The following RFXANK variants were observed in gnomAD, a reference collection of about 807,000 sequenced individuals.
RFXANK encodes the protein DNA-binding protein RFXANK.
A neutral mutation model predicts 34.5 loss-of-function variants in RFXANK; 19 were observed. The ratio of observed to expected loss-of-function variants is 0.55; its 90% CI spans 0.38 to 0.81. The LOEUF (loss-of-function observed/expected upper bound fraction) is 0.81. Among genes scored for constraint, RFXANK ranks in the 30% least tolerant of loss-of-function variants. The pLI, the probability that RFXANK is intolerant of heterozygous loss-of-function variation, is 0.00. For missense variants in RFXANK, 295 were observed against 343.5 expected, an observed-to-expected ratio of 0.86 and a Z score of 1.12; for synonymous variants, 154 against 149.8, an observed-to-expected ratio of 1.03 and a Z score of -0.20.
chr19:19,198,123 T>A lies in RFXANK; in HGVS notation c.455T>A (p.Ile152Asn), dbSNP rs2060634265. ...FLLEWGADPHILAKERESALS... is the reference protein window; with the variant it reads ...FLLEWGADPHNLAKERESALS... ...TCCCTGCAGGGTGCCGACCCCCACA[T>A]CCTGGCAAAAGAGCGAGAGAGCGCC... is the stretch of plus-strand genomic sequence containing the variant. Residue 152 changes from isoleucine to asparagine, a missense_variant, in exon 7 of 10, where the codon ATC becomes AAC. Coordinates refer to ENST00000303088, the MANE Select transcript of RFXANK (RefSeq NM_003721.4). 3 of 1,612,696 alleles carry A rather than the reference T, an allele frequency of 1.9e-6. No homozygotes were observed. The highest frequency in any genetic ancestry group is 1.7e-5 in the Admixed American group (1 of 59,920).
At chr19:19,193,894 T>C (rs1470045390) in intron 2 of RFXANK, 45 bp from the exon 3 acceptor site, 6 of 1,602,532 alleles carry the variant, frequency 3.7e-6, no homozygotes, top group Non-Finnish European at 5.1e-6. Flanking sequence ...TTATTATAAC[T>C]GTTGATAATT....
chr19:19,201,285 C>G (rs1027074120), intron 9 of RFXANK: 3 of 616,428 alleles, frequency 4.9e-6, no homozygotes, highest in Non-Finnish European at 8.4e-6. Context: ...GCTCTGTTGC[C>G]CAAGCTGGCC....
chr19:19,198,803 C>G (rs1599785960), intron 8 of RFXANK, 80 bp downstream of exon 8: 1 of 1,395,338 alleles, frequency 7.2e-7, no homozygotes. Context: ...AGGGAGACGC[C>G]CAAGTGTTGC....
intron 7 of RFXANK, 100 bp from the exon 8 acceptor site, chr19:19,198,557 G>A: frequency 1.5e-6 from 2 of 1,373,900 alleles, no homozygotes; most frequent in Non-Finnish European, 2.0e-6. Context: ...CCAGTGATGA[G>A]CAGGAGGAAC....
In RFXANK at chr19:19,198,295, TCA is replaced by T. The variant is rs1599784581; in HGVS notation, c.564+66_564+67del. 9 of 1,606,096 alleles carry T rather than the reference TCA, an allele frequency of 5.6e-6. No homozygotes were observed. In the East Asian group the frequency reaches 1.8e-4, roughly 32 times the overall value. ...TGGCCTTCATTCCTGCCTCAAATGT[TCA>T]CAGAGTACTTGAAAGGTGCAGGCCT... is the stretch of plus-strand genomic sequence containing the variant. On this transcript the variant is annotated intron_variant, in intron 7 of 9. Coordinates refer to ENST00000303088, the MANE Select transcript of RFXANK (RefSeq NM_003721.4).
intron 8 of RFXANK, 148 bp downstream of exon 8, chr19:19,198,871 G>A: frequency 1.1e-6 from 1 of 884,660 alleles, no homozygotes; most frequent in Non-Finnish European, 1.8e-6. Flanking sequence ...ATGGATCAGA[G>A]GGGAGGAGGT....
intron 2 of RFXANK, 80 bp from the exon 3 acceptor site, chr19:19,193,859 G>T: frequency 6.7e-7 from 1 of 1,494,386 alleles, no homozygotes; most frequent in African/African-American, 1.4e-5. Flanking sequence ...ACAGTGCAAG[G>T]CTAGGTATGC....
At chr19:19,194,566 C>T (rs2060564235) in intron 3 of RFXANK, among the ~76,000 whole-genome samples, 1 of 151,840 alleles carries the variant, frequency 6.6e-6, no homozygotes, top group African/African-American at 2.4e-5. Context: ...GGGTCTCGCT[C>T]TGTTACTAAG....
intron 7 of RFXANK, 116 bp downstream of exon 7, chr19:19,198,348 A>G: frequency 1.4e-6 from 2 of 1,472,222 alleles, no homozygotes; most frequent in Non-Finnish European, 1.9e-6. Context: ...AACACGAGAC[A>G]GCCCCATTCC....
At position 19,192,993 on chromosome 19, in the gene RFXANK, T is replaced by C. The variant is rs1050483; in HGVS notation, c.-116T>C. The C allele has an allele frequency of 0.17, 26,612 of 152,234 alleles. 2,791 individuals are homozygous for C. Among genetic ancestry groups the C allele is most frequent in the East Asian group, 0.39 (2,021 of 5,146 alleles). The allele number at this position is 152,234 out of a possible 1,614,324, so 9.4% of individuals were successfully genotyped here. A position where few individuals can be genotyped will look rare whatever the true frequency, so the allele number is the denominator to read the frequency against. On this transcript the variant is annotated 5_prime_UTR_variant, in exon 2 of 10. Transcript: ENST00000303088. Reference sequence around the variant, plus strand: ...AGATCGCTGAGGGTCCGGTCTCCAGTTTGCCTCCTGCTATATCCATTGGAA... The same window carrying C: ...AGATCGCTGAGGGTCCGGTCTCCAGCTTGCCTCCTGCTATATCCATTGGAA...
rs1290434495 is a variant in RFXANK at position 19,192,380 on chromosome 19, G to A, written c.-324G>A. 30 of 577,044 alleles carry A rather than the reference G, an allele frequency of 5.2e-5. No individual in the cohort carries two copies. Among genetic ancestry groups the A allele is most frequent in the Non-Finnish European group, 9.3e-5 (30 of 322,930 alleles). The allele number at this position is 577,044 out of a possible 1,614,324, so 35.7% of individuals were successfully genotyped here. On this transcript the variant is annotated 5_prime_UTR_variant, in exon 1 of 10. Coordinates refer to ENST00000303088, the MANE Select transcript of RFXANK (RefSeq NM_003721.4). ...GAGCGACACCCAGGCAGGAGAGGGG[G>A]AAGAACTCTCTCCCTTTCTGAACCC...
intron 9 of RFXANK, among the ~76,000 whole-genome samples, chr19:19,200,170 T>C (rs1362701665): frequency 1.3e-5 from 2 of 149,420 alleles, no homozygotes; most frequent in Non-Finnish European, 3.0e-5. Flanking sequence ...AATTTTTTGT[T>C]GTTGCTTTTT....
Position 19,197,619 on chromosome 19 carries a change from T to G in RFXANK, c.436T>G (p.Trp146Gly), listed in dbSNP as rs1301129319. 2 of 1,613,086 alleles carry G rather than the reference T, an allele frequency of 1.2e-6. No individual in the cohort carries two copies. The highest frequency in any genetic ancestry group is 2.2e-5 in the South Asian group (2 of 91,036). Residue 146 changes from tryptophan (W) to glycine (G), a missense_variant and splice_region_variant, in exon 6 of 10, where the codon TGG (tryptophan) becomes GGG (glycine). Coordinates refer to ENST00000303088, the MANE Select transcript of RFXANK (RefSeq NM_003721.4). Reference sequence around the variant, plus strand: ...TGAGACCGTTCGCTTCCTGCTGGAGTGGGTGCGTCCCAGCCCAGCTGGGCA... The same window carrying G: ...TGAGACCGTTCGCTTCCTGCTGGAGGGGGTGCGTCCCAGCCCAGCTGGGCA... ...EIETVRFLLE[W>G]GADPHILAKE... is the part of the protein sequence containing the mutation.
At chr19:19,199,361 C>A in intron 9 of RFXANK, 127 bp downstream of exon 9, 1 of 924,242 alleles carries the variant, frequency 1.1e-6, no homozygotes, top group Non-Finnish European at 1.8e-6. Context: ...AGGTGTTGAG[C>A]ACTGCTGTGT....
chr19:19,196,966 G>A lies in RFXANK; in HGVS notation c.191G>A (p.Gly64Asp). 1.9e-6 allele frequency: 3 copies of A among 1,611,746 alleles called. No individual in the cohort carries two copies. The highest frequency in any genetic ancestry group is 2.2e-5 in the South Asian group (2 of 91,070). Reference protein sequence around the residue: ...PDASVSSPQAGSSLKHSTTLT... With the variant: ...PDASVSSPQADSSLKHSTTLT... ...ACGCCTGTTGTCTGTTTCCCAGCAG[G>A]CAGCTCCCTGAAGCACTCCACCACT... The change falls in exon 4 of 10, where the codon GGC (glycine) becomes GAC (aspartate). Residue 64 changes from glycine to aspartate, a missense_variant. Coordinates refer to ENST00000303088, the MANE Select transcript of RFXANK (RefSeq NM_003721.4).
chr19:19,197,800 G>C (rs1248422676), intron 6 of RFXANK, 179 bp downstream of exon 6: 1 of 670,678 alleles, frequency 1.5e-6, no homozygotes, highest in Non-Finnish European at 2.5e-6. Context: ...CTTGAGGTCA[G>C]GAGTTCAAGA....
chr19:19,193,395 C>T (rs2060527201), intron 2 of RFXANK, among the ~76,000 whole-genome samples: 2 of 150,532 alleles, frequency 1.3e-5, no homozygotes, highest in Non-Finnish European at 3.0e-5. Context: ...CCCAGAGCCC[C>T]GGCTTTTTTT....
At chr19:19,201,276 C>T (rs866796724) in intron 9 of RFXANK, 3 of 598,862 alleles carry the variant, frequency 5.0e-6, no homozygotes, top group Admixed American at 3.0e-5. Flanking sequence ...CAGCGTTTTG[C>T]TCTGTTGCCC....
intron 9 of RFXANK, among the ~76,000 whole-genome samples, chr19:19,199,904 G>A (rs2146505520): frequency 6.6e-6 from 1 of 152,324 alleles, no homozygotes; most frequent in Non-Finnish European, 1.5e-5. Context: ...GGTAGAGATG[G>A]GGTGCTTAGG....
Sources: allele counts gnomAD v4.1 joint callset (sites outside exome capture counted in the v4.1 genomes callset), GRCh38; gene constraint gnomAD v4.1.1; transcripts MANE v1.5; gene names NCBI Gene and HGNC (gene_info 2026-07-23, HGNC 2026-07-21).